The following ZMAT4 variants were observed in gnomAD, a reference collection of about 807,000 sequenced individuals.
The protein encoded by ZMAT4 is zinc finger matrin-type protein 4.
A neutral mutation model predicts 28.7 loss-of-function variants in ZMAT4; 17 were observed. That is an observed-to-expected ratio of 0.59 (90% CI 0.41 to 0.89). The LOEUF (loss-of-function observed/expected upper bound fraction) is 0.89. Ranked by LOEUF, ZMAT4 falls within the 40% of genes least tolerant of loss-of-function variation. ZMAT4 has a pLI of 0.00. For missense variants in ZMAT4, 240 were observed against 283.8 expected, an observed-to-expected ratio of 0.85 and a Z score of 1.11; for synonymous variants, 117 against 109.2, an observed-to-expected ratio of 1.07 and a Z score of -0.44.
At chr8:40,595,259 C>G (rs1805050811) in intron 5 of ZMAT4, among the ~76,000 whole-genome samples, 1 of 152,044 alleles carries the variant, frequency 6.6e-6, no homozygotes. Context: ...GTAGCAATAC[C>G]TTTCCAACTG....
At chr8:40,567,030 G>T (rs575526939) in intron 6 of ZMAT4, among the ~76,000 whole-genome samples, 2 of 152,228 alleles carry the variant, frequency 1.3e-5, no homozygotes, top group East Asian at 3.9e-4. Context: ...ATCAAAAAGA[G>T]TAAAGTGCAC....
At position 40,568,507 on chromosome 8, in the gene ZMAT4, T is replaced by C. The variant is rs117966304; in HGVS notation, c.674+12658A>G. On this transcript the variant is annotated intron_variant, in intron 6 of 6. Coordinates refer to ENST00000297737, the MANE Select transcript of ZMAT4 (RefSeq NM_024645.3). ...CCAACCTTGGGCAAGAAACTAGCCA[T>C]GCAAGGAAAAATTCTGGGCATTTTC... 2.9e-3 allele frequency among the ~76,000 whole-genome samples: 444 copies of C among 152,226 alleles called. 6 individuals carry two copies. Among genetic ancestry groups the C allele is most frequent in the East Asian group, 0.025 (130 of 5,170 alleles).
intron 1 of ZMAT4, among the ~76,000 whole-genome samples, chr8:40,836,453 A>T (rs532863605): frequency 6.6e-6 from 1 of 152,324 alleles, no homozygotes; most frequent in Non-Finnish European, 1.5e-5. Flanking sequence ...GGTATGTAAG[A>T]GATGATGATA....
chr8:40,777,836 C>T (rs1175033116), intron 2 of ZMAT4, among the ~76,000 whole-genome samples: 4 of 152,250 alleles, frequency 2.6e-5, no homozygotes, highest in African/African-American at 9.6e-5. Flanking sequence ...CCCCAACATA[C>T]TCTGATCACC....
chr8:40,531,382 G>T lies in ZMAT4; in HGVS notation c.*841C>A, dbSNP rs1044492903. On this transcript the variant is annotated 3_prime_UTR_variant, in exon 7 of 7. Transcript: ENST00000297737. ...CCCCCAATTAAAGCCCACAGTTCAG[G>T]CCAAACATCATAAAAAAAAATACTT... 1.4e-5 allele frequency: 2 copies of T among 147,536 alleles called. No homozygotes were observed. Among genetic ancestry groups the T allele is most frequent in the African/African-American group, 4.9e-5 (2 of 40,942 alleles). 9.1% of individuals were successfully genotyped at this position (147,536 alleles called of 1,614,324 possible).
At chr8:40,707,040 G>A (rs67364839) in intron 3 of ZMAT4, among the ~76,000 whole-genome samples, 47,640 of 152,086 alleles carry the variant, frequency 0.31, 9,232 homozygotes, top group Middle Eastern at 0.53. Flanking sequence ...CTCCAGCTAC[G>A]TTAAGGATAT....
At chr8:40,873,660 T>G (rs988508344) in intron 1 of ZMAT4, among the ~76,000 whole-genome samples, 4 of 152,202 alleles carry the variant, frequency 2.6e-5, no homozygotes, top group African/African-American at 9.6e-5. Flanking sequence ...CACACCTGCC[T>G]GCCATGCTCT....
At chr8:40,649,548 T>C (rs1183392431) in intron 5 of ZMAT4, among the ~76,000 whole-genome samples, 1 of 152,068 alleles carries the variant, frequency 6.6e-6, no homozygotes, top group Non-Finnish European at 1.5e-5. Flanking sequence ...TACCGAGGAA[T>C]TGAACTCAGC....
At chr8:40,564,731 T>A (rs1174197983) in intron 6 of ZMAT4, among the ~76,000 whole-genome samples, 1 of 152,224 alleles carries the variant, frequency 6.6e-6, no homozygotes, top group Non-Finnish European at 1.5e-5. Flanking sequence ...ATATTCATGA[T>A]ATTCATTGAT....
chr8:40,709,402 A>C (rs982367450), intron 3 of ZMAT4, among the ~76,000 whole-genome samples: 1 of 152,216 alleles, frequency 6.6e-6, no homozygotes, highest in Non-Finnish European at 1.5e-5. Flanking sequence ...CAACACAAAA[A>C]AATTTTTCAG....
chr8:40,729,986 C>T (rs1223718056), intron 3 of ZMAT4, among the ~76,000 whole-genome samples: 4 of 152,096 alleles, frequency 2.6e-5, no homozygotes, highest in Non-Finnish European at 5.9e-5. Flanking sequence ...TTTGAGTAAC[C>T]ATAATTATGT....
intron 2 of ZMAT4, among the ~76,000 whole-genome samples, chr8:40,801,382 A>AGGG (rs1814840297): frequency 6.8e-6 from 1 of 147,838 alleles, no homozygotes; most frequent in South Asian, 2.1e-4. Flanking sequence ...ACATATATAT[A>AGGG]TTCGGTGGGG....
At chr8:40,799,995 A>C (rs962055859) in intron 2 of ZMAT4, among the ~76,000 whole-genome samples, 1 of 152,234 alleles carries the variant, frequency 6.6e-6, no homozygotes, top group African/African-American at 2.4e-5. Flanking sequence ...AATAGAAACC[A>C]GTGCAAAATA....
chr8:40,671,879 G>GATT (rs1808685751), intron 5 of ZMAT4, among the ~76,000 whole-genome samples: 1 of 152,120 alleles, frequency 6.6e-6, no homozygotes, highest in Non-Finnish European at 1.5e-5. Flanking sequence ...AATCCTTCTA[G>GATT]AAATGAAAAT....
intron 4 of ZMAT4, among the ~76,000 whole-genome samples, chr8:40,685,571 G>A (rs536201059): frequency 6.6e-6 from 1 of 152,212 alleles, no homozygotes; most frequent in South Asian, 2.1e-4. Flanking sequence ...ATGGAAGGGA[G>A]CACATGAGAC....
At chr8:40,834,127 G>T (rs982189135) in intron 1 of ZMAT4, among the ~76,000 whole-genome samples, 4 of 152,212 alleles carry the variant, frequency 2.6e-5, no homozygotes, top group Non-Finnish European at 4.4e-5. Context: ...ATCGGCCACT[G>T]CTGGGCACAT....
At chr8:40,574,228 G>T (rs148263644) in intron 6 of ZMAT4, among the ~76,000 whole-genome samples, 1 of 151,992 alleles carries the variant, frequency 6.6e-6, no homozygotes. Context: ...TGATGTTGGT[G>T]TACACTAATA....
intron 3 of ZMAT4, among the ~76,000 whole-genome samples, chr8:40,702,087 T>C (rs1810174510): frequency 6.6e-6 from 1 of 152,168 alleles, no homozygotes; most frequent in South Asian, 2.1e-4. Flanking sequence ...CACCGTGTGA[T>C]GCCCTCCACC....
chr8:40,640,591 G>T (rs1041658077), intron 5 of ZMAT4, among the ~76,000 whole-genome samples: 6 of 151,896 alleles, frequency 4.0e-5, no homozygotes, highest in African/African-American at 1.5e-4. Context: ...GTTCTGGAAA[G>T]TTCTGGGAAG....
Sources: gnomAD v4.1 joint callset for allele counts (sites outside exome capture counted in the v4.1 genomes callset) on GRCh38, gnomAD v4.1.1 for gene constraint, MANE v1.5 for transcripts, NCBI Gene and HGNC (gene_info 2026-07-23, HGNC 2026-07-21) for gene names.